SPNS3: variants seen among roughly 807,000 people sequenced by gnomAD.
SPNS3 encodes SPNS lysolipid transporter 3, sphingosine-1-phosphate (putative), also known as protein spinster homolog 3.
SPNS3 carries 51 observed loss-of-function variants against 54.4 expected under a neutral mutation model. The ratio of observed to expected loss-of-function variants is 0.94; its 90% CI spans 0.75 to 1.18. The LOEUF is 1.18. Among genes scored for constraint, SPNS3 ranks in the 50% most tolerant of loss-of-function variants. The pLI is 0.00. For synonymous variants in SPNS3, 309 were observed against 294.7 expected (o/e 1.05, Z -0.50); for missense variants, 669 against 677.4 (o/e 0.99, Z 0.14).
At chr17:4,448,098 G>T (rs1287383054) in intron 5 of SPNS3, 57 bp from the exon 6 acceptor site, 6 of 1,486,550 alleles carry the variant, frequency 4.0e-6, no homozygotes, top group Non-Finnish European at 4.5e-6. Context: ...GCCCCCGGGG[G>T]TCCCTTGGGC....
At chr17:4,469,329 C>G (rs1247075233) in intron 8 of SPNS3, among the ~76,000 whole-genome samples, 1 of 149,800 alleles carries the variant, frequency 6.7e-6, no homozygotes, top group South Asian at 2.1e-4. Flanking sequence ...TTGAGTGATC[C>G]GCCTGCCTCG....
At chr17:4,466,026 T>C (rs1971666681) in intron 8 of SPNS3, among the ~76,000 whole-genome samples, 1 of 152,186 alleles carries the variant, frequency 6.6e-6, no homozygotes, top group Non-Finnish European at 1.5e-5. Context: ...CTTGGCCTCA[T>C]GGGCTGAGGG....
intron 8 of SPNS3, among the ~76,000 whole-genome samples, chr17:4,458,638 TTTCTTTCTTTCCTTCC>T (rs1971409174): frequency 7.7e-6 from 1 of 130,464 alleles, no homozygotes; most frequent in African/African-American, 2.9e-5. Flanking sequence ...TCTTTCTTTC[TTTCTTTCTTTCCTTCC>T]TTCTTTCTTT....
At chr17:4,466,996 G>A (rs1971693011) in intron 8 of SPNS3, among the ~76,000 whole-genome samples, 1 of 152,180 alleles carries the variant, frequency 6.6e-6, no homozygotes, top group Non-Finnish European at 1.5e-5. Context: ...AGCAGGTGTG[G>A]GGTGGAGCCA....
intron 2 of SPNS3, among the ~76,000 whole-genome samples, chr17:4,443,342 A>T (rs1362982281): frequency 6.6e-6 from 1 of 152,204 alleles, no homozygotes; most frequent in Non-Finnish European, 1.5e-5. Flanking sequence ...AAGTGCTGGG[A>T]TTACAGGCGT....
At chr17:4,459,051 C>T (rs1464129094) in intron 8 of SPNS3, among the ~76,000 whole-genome samples, 2 of 152,164 alleles carry the variant, frequency 1.3e-5, no homozygotes, top group African/African-American at 4.8e-5. Context: ...TCACTCCCTT[C>T]TCCATGTGTC....
rs1412093825 is a variant in SPNS3 at position 4,453,113 on chromosome 17, G to A, written c.1021G>A (p.Glu341Lys). ...GTACAAGAAAGTCATTCCAGGAGCT[G>A]AGCCCCTCATCTGCGCCTCCAGCCT... ...RRYKKVIPGA[E>K]PLICASSLLA... The change falls in exon 8 of 12, where the codon GAG becomes AAG. Residue 341 changes from glutamate to lysine, a missense_variant. Transcript: ENST00000355530. The A allele has an allele frequency of 3.7e-6, 6 of 1,614,070 alleles. No individual in the cohort carries two copies. Among genetic ancestry groups the A allele is most frequent in the Admixed American group, 3.3e-5 (2 of 60,008 alleles).
At chr17:4,480,013 T>C (rs767112949) in intron 9 of SPNS3, among the ~76,000 whole-genome samples, 14 of 152,262 alleles carry the variant, frequency 9.2e-5, no homozygotes, top group Non-Finnish European at 1.9e-4. Context: ...GAAAGGGTTA[T>C]GGGCATGTAT....
rs749572537 is a variant in SPNS3, at chr17:4,453,236, A to T, written c.1113+31A>T. On this transcript the variant is annotated intron_variant, in intron 8 of 11. Transcript: ENST00000355530. The stretch of plus-strand genomic sequence containing the variant: ...TGAGAGCCTCTATGGAGGTGGGGAC[A>T]GGGTTGGGGGGCGAGGAACTCCTGT... The T allele has an allele frequency of 3.2e-6, 5 of 1,586,556 alleles. No individual in the cohort carries two copies. In the East Asian group the frequency reaches 1.1e-4, roughly 36 times the overall value.
At chr17:4,444,792 C>T (rs2144018846) in intron 2 of SPNS3, among the ~76,000 whole-genome samples, 1 of 152,300 alleles carries the variant, frequency 6.6e-6, no homozygotes, top group Non-Finnish European at 1.5e-5. Context: ...ACACTCAGAG[C>T]AAGCGGCAGA....
chr17:4,438,125 G>T (rs1347374834), intron 1 of SPNS3, among the ~76,000 whole-genome samples: 1 of 152,140 alleles, frequency 6.6e-6, no homozygotes, highest in Non-Finnish European at 1.5e-5. Flanking sequence ...CTGATCCCTT[G>T]ATCTTCATGT....
At chr17:4,444,886 C>G in intron 2 of SPNS3, 146 bp from the exon 3 acceptor site, 1 of 982,830 alleles carries the variant, frequency 1.0e-6, no homozygotes. Context: ...TGAGGTTCAC[C>G]TTATCTTTTC....
rs748756310 is a variant in SPNS3 at position 4,434,007 on chromosome 17, C to T, written c.40C>T (p.Pro14Ser). The change falls in exon 1 of 12, where the codon CCA (proline) becomes TCA (serine). Residue 14 changes from proline (P) to serine (S), a missense_variant. Physicochemically the swap from Pro to Ser is moderately conservative, Grantham distance 74. Transcript: ENST00000355530. ...GTCAGCGGAGTGCCCTGAGCCTGGG[C>T]CAGGAGGTCTGCAGGGCCAGTCCCC... ...GMSAECPEPGPGGLQGQSPGP... is the reference protein window; with the variant it reads ...GMSAECPEPGSGGLQGQSPGP... 6.3e-7 allele frequency: 1 copy of T among 1,594,074 alleles called. No homozygotes were observed. Among genetic ancestry groups the T allele is most frequent in the South Asian group, 1.1e-5 (1 of 88,974 alleles).
chr17:4,447,288 A>T (rs1312941028), intron 5 of SPNS3, among the ~76,000 whole-genome samples: 1 of 152,212 alleles, frequency 6.6e-6, no homozygotes, highest in Non-Finnish European at 1.5e-5. Context: ...GATCAGTGAG[A>T]TGAGAGATGG....
intron 8 of SPNS3, among the ~76,000 whole-genome samples, chr17:4,475,125 C>T (rs1971955466): frequency 6.6e-6 from 1 of 152,132 alleles, no homozygotes; most frequent in African/African-American, 2.4e-5. Context: ...GGACATTTAT[C>T]ATCACTTTCC....
chr17:4,451,834 A>G (rs1971174004), intron 7 of SPNS3, among the ~76,000 whole-genome samples: 1 of 145,254 alleles, frequency 6.9e-6, no homozygotes, highest in African/African-American at 2.6e-5. Flanking sequence ...GTTCCCAGCT[A>G]ATTTTTGTAT....
chr17:4,468,327 A>G (rs1971741731), intron 8 of SPNS3, among the ~76,000 whole-genome samples: 1 of 152,236 alleles, frequency 6.6e-6, no homozygotes, highest in African/African-American at 2.4e-5. Flanking sequence ...GGACAAAGGC[A>G]GAAACAGAGA....
chr17:4,449,925 TG>T (rs1294613332), intron 7 of SPNS3, among the ~76,000 whole-genome samples: 2 of 152,158 alleles, frequency 1.3e-5, no homozygotes, highest in African/African-American at 4.8e-5. Context: ...GCTGCCCGGC[TG>T]GGCTCCACTT....
intron 8 of SPNS3, among the ~76,000 whole-genome samples, chr17:4,472,370 T>A (rs192427829): frequency 2.0e-5 from 3 of 152,208 alleles, no homozygotes; most frequent in Non-Finnish European, 4.4e-5. Flanking sequence ...CCAAAGGGGA[T>A]GCAGTTTGAG....
Sources: gnomAD v4.1 joint callset for allele counts (sites outside exome capture counted in the v4.1 genomes callset) on GRCh38, gnomAD v4.1.1 for gene constraint, MANE v1.5 for transcripts, NCBI Gene and HGNC (gene_info 2026-07-23, HGNC 2026-07-21) for gene names.